Variants in WWOX observed in about 807,000 individuals in gnomAD.
WWOX encodes WW domain-containing oxidoreductase.
In WWOX, 69 loss-of-function variants were observed where a neutral mutation model predicts 46.2. The observed-to-expected ratio is 1.49, with a 90% CI of 1.23 to 1.82. The LOEUF (loss-of-function observed/expected upper bound fraction) is 1.82. WWOX is among the 40% of genes most tolerant of loss of function. The pLI is 0.00. For missense variants in WWOX, 919 were observed against 542.6 expected (o/e 1.69, Z -6.89); for synonymous variants, 359 against 202.6 (o/e 1.77, Z -6.56).
chr16:78,294,224 A>G (rs1371739966), intron 5 of WWOX, among the ~76,000 whole-genome samples: 1 of 151,876 alleles, frequency 6.6e-6, no homozygotes, highest in Non-Finnish European at 1.5e-5. Context: ...CGAGTTCCTA[A>G]CCACCTGTCC....
intron 8 of WWOX, among the ~76,000 whole-genome samples, chr16:78,761,148 C>T (rs2049783002): frequency 1.3e-5 from 2 of 152,154 alleles, no homozygotes; most frequent in South Asian, 4.1e-4. Flanking sequence ...TGAGCGGGGG[C>T]TGTTTCTTGT....
At position 78,995,920 on chromosome 16, in the gene WWOX, C is replaced by T. The variant is rs149533800; in HGVS notation, c.1057-215688C>T. Among the ~76,000 whole-genome samples the T allele has an allele frequency of 2.8e-3, 425 of 152,208 alleles. 2 individuals are homozygous for T. The highest frequency in any genetic ancestry group is 9.8e-3 in the African/African-American group (405 of 41,528). On this transcript the variant is annotated intron_variant, in intron 8 of 8. Coordinates refer to ENST00000566780, the MANE Select transcript of WWOX (RefSeq NM_016373.4). ...TTTCCAAACGATTTTGCGTTTATAC[C>T]TCTGTGACAGTTCGATTAATTTATT... is the stretch of plus-strand genomic sequence containing the variant.
intron 8 of WWOX, among the ~76,000 whole-genome samples, chr16:78,642,526 C>T (rs1407155528): frequency 3.9e-5 from 6 of 152,252 alleles, no homozygotes; most frequent in East Asian, 1.9e-4. Context: ...CCACAGTCCT[C>T]AGTTATTTGT....
intron 8 of WWOX, among the ~76,000 whole-genome samples, chr16:78,604,949 T>TCTTCCCTCCC (rs2045718083): frequency 2.8e-3 from 3 of 1,088 alleles, no homozygotes; most frequent in Admixed American, 0.011. Flanking sequence ...CCTCCCTTCT[T>TCTTCCCTCCC]TCCTTCCTTT....
chr16:78,836,975 G>A (rs1359111936), intron 8 of WWOX, among the ~76,000 whole-genome samples: 1 of 152,134 alleles, frequency 6.6e-6, no homozygotes, highest in East Asian at 1.9e-4. Context: ...AGAGAAACAG[G>A]GAGAGTGGAG....
At chr16:78,159,672 G>GTTTTTT (rs35468343) in intron 4 of WWOX, among the ~76,000 whole-genome samples, 122 of 55,300 alleles carry the variant, frequency 2.2e-3, no homozygotes, top group Non-Finnish European at 2.7e-3. Flanking sequence ...AAAATCTGTG[G>GTTTTTT]TTTTTTTTTT....
rs1322619585 is a variant in WWOX at position 78,524,613 on chromosome 16, G to T, written c.1056+91861G>T. On this transcript the variant is annotated intron_variant, in intron 8 of 8. Coordinates refer to ENST00000566780, the MANE Select transcript of WWOX (RefSeq NM_016373.4). Reference sequence around the variant, plus strand: ...TTTTTATATTTTTAGTAAAGACGGGGTTTCACCATGTTGGCCAAACTGGTC... The same window carrying T: ...TTTTTATATTTTTAGTAAAGACGGGTTTTCACCATGTTGGCCAAACTGGTC... Among the ~76,000 whole-genome samples, 8 of 151,718 alleles carry T rather than the reference G, an allele frequency of 5.3e-5. No homozygotes were observed. The South Asian group carries it at 1.0e-3, about 20-fold the overall frequency.
chr16:78,778,861 C>T (rs912211763), intron 8 of WWOX, among the ~76,000 whole-genome samples: 3 of 152,186 alleles, frequency 2.0e-5, no homozygotes, highest in Admixed American at 6.5e-5. Flanking sequence ...CTAGAAGAAA[C>T]ACCCACATTG....
intron 8 of WWOX, among the ~76,000 whole-genome samples, chr16:78,635,161 A>T (rs2046537578): frequency 6.6e-6 from 1 of 152,158 alleles, no homozygotes; most frequent in Admixed American, 6.5e-5. Context: ...CTTGCCACTC[A>T]ACATCTGCAG....
At chr16:79,112,989 C>G (rs1291115303) in intron 8 of WWOX, among the ~76,000 whole-genome samples, 4 of 152,200 alleles carry the variant, frequency 2.6e-5, no homozygotes, top group Non-Finnish European at 5.9e-5. Context: ...TGCTCATCTT[C>G]ATGATCTAGC....
intron 5 of WWOX, among the ~76,000 whole-genome samples, chr16:78,221,206 T>C (rs1420077002): frequency 6.6e-6 from 1 of 152,222 alleles, no homozygotes; most frequent in Non-Finnish European, 1.5e-5. Context: ...TTAATTCACC[T>C]GCTTGGAAAG....
chr16:78,242,152 C>A (rs1433003983), intron 5 of WWOX, among the ~76,000 whole-genome samples: 3 of 152,116 alleles, frequency 2.0e-5, no homozygotes, highest in Admixed American at 2.0e-4. Flanking sequence ...GCTTCTGCCT[C>A]GGGTAGAAAT....
At chr16:78,957,980 TC>T (rs1199064609) in intron 8 of WWOX, among the ~76,000 whole-genome samples, 7 of 152,210 alleles carry the variant, frequency 4.6e-5, no homozygotes, top group Non-Finnish European at 7.3e-5. Context: ...CCTCTCACTT[TC>T]GTTTTATTTA....
intron 8 of WWOX, among the ~76,000 whole-genome samples, chr16:78,555,229 A>G (rs1324568659): frequency 6.6e-6 from 1 of 150,960 alleles, no homozygotes; most frequent in African/African-American, 2.4e-5. Flanking sequence ...GCATGTGTAT[A>G]TTTCTAAATT....
chr16:78,668,131 T>A (rs1350589616), intron 8 of WWOX, among the ~76,000 whole-genome samples: 1 of 151,982 alleles, frequency 6.6e-6, no homozygotes, highest in Non-Finnish European at 1.5e-5. Flanking sequence ...ATACAAAAAA[T>A]TAGCCAGCTG....
intron 8 of WWOX, 31 bp from the exon 9 acceptor site, chr16:79,211,577 T>A (rs757386361): frequency 2.2e-5 from 35 of 1,571,836 alleles, no homozygotes; most frequent in South Asian, 2.0e-4. Context: ...TTTCTTAAAA[T>A]TTTTTTTTGT....
At chr16:78,868,078 G>C (rs1161145895) in intron 8 of WWOX, among the ~76,000 whole-genome samples, 1 of 152,162 alleles carries the variant, frequency 6.6e-6, no homozygotes, top group Non-Finnish European at 1.5e-5. Flanking sequence ...TCTTGTTCAT[G>C]AATGTTCATA....
At chr16:79,041,451 C>T (rs949923449) in intron 8 of WWOX, among the ~76,000 whole-genome samples, 2 of 152,188 alleles carry the variant, frequency 1.3e-5, no homozygotes, top group Admixed American at 6.5e-5. Flanking sequence ...CAGACATAAG[C>T]CCTGTGGGTT....
At chr16:78,783,878 ATGATAATGG>A (rs1158172955) in intron 8 of WWOX, among the ~76,000 whole-genome samples, 2 of 74,864 alleles carry the variant, frequency 2.7e-5, no homozygotes, top group Admixed American at 1.4e-4. Flanking sequence ...GGTGATGACG[ATGATAATGG>A]TGATGATGGT....
Sources: gnomAD v4.1 joint callset for allele counts (sites outside exome capture counted in the v4.1 genomes callset) on GRCh38, gnomAD v4.1.1 for gene constraint, MANE v1.5 for transcripts, NCBI Gene and HGNC (gene_info 2026-07-23, HGNC 2026-07-21) for gene names.